Variants in KIF26B observed in about 807,000 individuals in gnomAD.
KIF26B encodes kinesin-like protein KIF26B.
In KIF26B, 63 loss-of-function variants were observed where a neutral mutation model predicts 151.2. The ratio of observed to expected loss-of-function variants is 0.42; its 90% CI spans 0.34 to 0.51. KIF26B has a LOEUF of 0.51. Among genes scored for constraint, KIF26B ranks in the 20% least tolerant of loss-of-function variants. KIF26B has a pLI of 0.07. For missense variants in KIF26B, 2,813 were observed against 2,913.6 expected (o/e 0.97, Z 0.79); for synonymous variants, 1,357 against 1,262.1 (o/e 1.08, Z -1.59).
intron 2 of KIF26B, among the ~76,000 whole-genome samples, chr1:245,307,129 T>C (rs1283211972): frequency 6.6e-6 from 1 of 152,214 alleles, no homozygotes; most frequent in Non-Finnish European, 1.5e-5. Flanking sequence ...GTCAATTAAC[T>C]TTTGGCTGCA....
At chr1:245,652,049 A>G (rs757463996) in intron 10 of KIF26B, among the ~76,000 whole-genome samples, 5 of 151,474 alleles carry the variant, frequency 3.3e-5, no homozygotes, top group Non-Finnish European at 7.4e-5. Flanking sequence ...AAGGAGTATC[A>G]GTTCTCCAGA....
chr1:245,458,983 G>C (rs1013674356), intron 4 of KIF26B, among the ~76,000 whole-genome samples: 1 of 152,062 alleles, frequency 6.6e-6, no homozygotes, highest in Non-Finnish European at 1.5e-5. Context: ...GGAACAGTTG[G>C]TGATAAAACG....
chr1:245,425,966 A>G (rs1042046016), intron 4 of KIF26B, among the ~76,000 whole-genome samples: 1 of 152,138 alleles, frequency 6.6e-6, no homozygotes, highest in Non-Finnish European at 1.5e-5. Context: ...ACCAAATTCT[A>G]ATCAGATTTC....
At chr1:245,448,969 T>G (rs571007389) in intron 4 of KIF26B, among the ~76,000 whole-genome samples, 1 of 152,322 alleles carries the variant, frequency 6.6e-6, no homozygotes, top group Non-Finnish European at 1.5e-5. Context: ...CAATACAAAA[T>G]ATTCACAGCC....
chr1:245,215,757 C>A (rs544808401), intron 2 of KIF26B, among the ~76,000 whole-genome samples: 3 of 151,984 alleles, frequency 2.0e-5, no homozygotes, highest in East Asian at 3.9e-4. Flanking sequence ...TGTCTTTGTG[C>A]TTTTGTGTTT....
chr1:245,666,167 ATTTT>A (rs536997148), intron 10 of KIF26B, among the ~76,000 whole-genome samples: 1 of 151,242 alleles, frequency 6.6e-6, no homozygotes, highest in Non-Finnish European at 1.5e-5. Context: ...CACTTGGCTA[ATTTT>A]TTTTGTTTTT....
chr1:245,214,235 G>T, intron 2 of KIF26B: 1 of 151,444 alleles, frequency 6.6e-6, no homozygotes, highest in Non-Finnish European at 1.5e-5. Context: ...AAAAGAGTCA[G>T]GCTTAGTGGT....
At chr1:245,499,347 T>C (rs925691720) in intron 4 of KIF26B, among the ~76,000 whole-genome samples, 1 of 152,112 alleles carries the variant, frequency 6.6e-6, no homozygotes. Context: ...TCTGAAGAGG[T>C]TGAATAAATC....
At chr1:245,165,464 T>C (rs563403568) in intron 2 of KIF26B, among the ~76,000 whole-genome samples, 1 of 152,306 alleles carries the variant, frequency 6.6e-6, no homozygotes, top group Admixed American at 6.5e-5. Flanking sequence ...TGAGGTGGAA[T>C]GGTCCAATGG....
At chr1:245,552,243 G>A (rs1405938775) in intron 5 of KIF26B, among the ~76,000 whole-genome samples, 1 of 151,666 alleles carries the variant, frequency 6.6e-6, no homozygotes, top group African/African-American at 2.4e-5. Flanking sequence ...GGGCAGGCTG[G>A]AGACGCAGGG....
At chr1:245,336,963 G>T (rs145290524) in intron 2 of KIF26B, among the ~76,000 whole-genome samples, 1 of 152,070 alleles carries the variant, frequency 6.6e-6, no homozygotes, top group East Asian at 1.9e-4. Context: ...CTGGGTAGTC[G>T]GCTGGGCCTC....
At chr1:245,520,586 AT>A in intron 4 of KIF26B, among the ~76,000 whole-genome samples, 1 of 81,876 alleles carries the variant, frequency 1.2e-5, no homozygotes, top group East Asian at 3.2e-4. Context: ...CCATCCATCC[AT>A]CCATCCATCC....
intron 5 of KIF26B, among the ~76,000 whole-genome samples, chr1:245,581,850 G>A (rs1023749430): frequency 3.9e-5 from 6 of 151,972 alleles, no homozygotes; most frequent in East Asian, 1.9e-4. Flanking sequence ...CCAGAAGGCC[G>A]AGGCCACAGT....
At chr1:245,282,521 G>C (rs7518874) in intron 2 of KIF26B, among the ~76,000 whole-genome samples, 85,349 of 152,032 alleles carry the variant, frequency 0.56, 24,287 homozygotes, top group East Asian at 0.7. Flanking sequence ...CCGCCCCCAC[G>C]TATCCCCAAG....
At chr1:245,396,959 C>T (rs1371023744) in intron 3 of KIF26B, among the ~76,000 whole-genome samples, 1 of 140,302 alleles carries the variant, frequency 7.1e-6, no homozygotes, top group African/African-American at 3.1e-5. Flanking sequence ...TACATTTCTA[C>T]TCCTTTTTTT....
intron 4 of KIF26B, among the ~76,000 whole-genome samples, chr1:245,471,702 CAATT>C (rs973439151): frequency 5.9e-5 from 9 of 151,922 alleles, no homozygotes; most frequent in African/African-American, 1.9e-4. Context: ...ACATATTAAT[CAATT>C]CATTCATTGA....
intron 2 of KIF26B, among the ~76,000 whole-genome samples, chr1:245,348,549 G>A (rs12072874): frequency 0.2 from 31,012 of 152,086 alleles, 6,227 homozygotes; most frequent in African/African-American, 0.52. Context: ...ACACAGTGGA[G>A]GGGGCGAGGA....
At chr1:245,373,470 A>C (rs1431195753) in intron 3 of KIF26B, among the ~76,000 whole-genome samples, 1 of 152,252 alleles carries the variant, frequency 6.6e-6, no homozygotes, top group Non-Finnish European at 1.5e-5. Flanking sequence ...TTTATTTCAT[A>C]GGATTTCACT....
intron 2 of KIF26B, among the ~76,000 whole-genome samples, chr1:245,187,017 C>T (rs1669012442): frequency 6.6e-6 from 1 of 152,014 alleles, no homozygotes; most frequent in South Asian, 2.1e-4. Context: ...CCACCACGCT[C>T]AGCTAATTTT....
Sources: allele counts gnomAD v4.1 joint callset (sites outside exome capture counted in the v4.1 genomes callset), GRCh38; gene constraint gnomAD v4.1.1; transcripts MANE v1.5; gene names NCBI Gene and HGNC (gene_info 2026-07-23, HGNC 2026-07-21).